The following MACF1 variants were observed in gnomAD, a reference collection of about 807,000 sequenced individuals.
MACF1 encodes microtubule-actin cross-linking factor 1.
Under a neutral mutation model 854.8 loss-of-function variants are expected in MACF1, and 193 were observed. That is an observed-to-expected ratio of 0.23 (90% confidence interval 0.20 to 0.25). The LOEUF is 0.25. Among genes scored for constraint, MACF1 ranks in the 10% least tolerant of loss-of-function variants. The pLI, the probability that MACF1 is intolerant of heterozygous loss-of-function variation, is 1.00. For missense variants in MACF1, 7,722 were observed against 8,929.1 expected (o/e 0.86, Z 5.45); for synonymous variants, 3,185 against 3,226.7 (o/e 0.99, Z 0.44).
chr1:39,105,642 G>A lies in MACF1; in HGVS notation c.220+21204G>A. 3 of 1,235,022 alleles carry A rather than the reference G, an allele frequency of 2.4e-6. No homozygotes were observed. Among genetic ancestry groups the A allele is most frequent in the Non-Finnish European group, 3.1e-6 (3 of 962,046 alleles). 76.5% of individuals were successfully genotyped at this position (1,235,022 alleles called of 1,614,324 possible). ...GGCGGCCATGGCCGGCTACGTGCCG[G>A]GTCAGCAGCCGGCCAACCGCAGCCA... On this transcript the variant is annotated intron_variant, in intron 2 of 93. Coordinates refer to the MACF1 transcript ENST00000361689. The surrounding 1 kb of genome is among the most constrained non-coding windows in gnomAD (Gnocchi z 5.9).
chr1:39,211,265 G>A (rs559153680), intron 1 of MACF1, among the ~76,000 whole-genome samples: 21 of 152,174 alleles, frequency 1.4e-4, no homozygotes, highest in African/African-American at 5.1e-4. Flanking sequence ...ACCACGCCCA[G>A]CCTTGACTTA....
At chr1:39,120,537 G>A (rs1301234637) in intron 2 of MACF1, among the ~76,000 whole-genome samples, 1 of 151,968 alleles carries the variant, frequency 6.6e-6, no homozygotes, top group African/African-American at 2.4e-5. Flanking sequence ...GCTAATTTGT[G>A]TATTTTAGTA....
intron 2 of MACF1, among the ~76,000 whole-genome samples, chr1:39,246,660 G>A (rs1427996229): frequency 1.3e-5 from 2 of 151,052 alleles, no homozygotes; most frequent in African/African-American, 4.9e-5. Context: ...AGGCGCCCAC[G>A]ACCACACCCG....
intron 58 of MACF1, among the ~76,000 whole-genome samples, chr1:39,414,802 C>T (rs1028572187): frequency 2.0e-5 from 3 of 152,152 alleles, no homozygotes; most frequent in African/African-American, 4.8e-5. Flanking sequence ...ATACAGTGAG[C>T]ATGTTCTTGC....
chr1:39,485,625 C>T lies in MACF1; in HGVS notation c.22499C>T (p.Ser7500Phe). Residue 7500 changes from serine to phenylalanine, a missense_variant, in exon 101 of 101, where the codon TCT becomes TTT. Around this residue, in one of 15 missense-constraint regions of MACF1, gnomAD observed 185 missense variants for 225.7 expected, o/e 0.82. Transcript: ENST00000564288. Reference protein sequence around the residue: ...RASSRRGSDASDFDLLETQSA... With the variant: ...RASSRRGSDAFDFDLLETQSA... ...AGCAGCCGGCGAGGAAGTGACGCTT[C>T]TGACTTTGACCTCTTAGAGACGCAG... 6.2e-7 allele frequency: 1 copy of T among 1,614,198 alleles called. No individual in the cohort carries two copies. The highest frequency in any genetic ancestry group is 8.5e-7 in the Non-Finnish European group (1 of 1,180,034).
At chr1:39,269,415 A>G in intron 6 of MACF1, 1 of 1,289,844 alleles carries the variant, frequency 7.8e-7, no homozygotes, top group Non-Finnish European at 1.0e-6. Context: ...TTCCTGGATT[A>G]TAGAATGTTC....
intron 2 of MACF1, among the ~76,000 whole-genome samples, chr1:39,118,953 A>T (rs1424336294): frequency 6.6e-6 from 1 of 152,126 alleles, no homozygotes; most frequent in Non-Finnish European, 1.5e-5. Context: ...GCTTGTGATG[A>T]TATGGAAAGT....
intron 2 of MACF1, among the ~76,000 whole-genome samples, chr1:39,136,577 G>A (rs961084871): frequency 3.3e-5 from 5 of 152,256 alleles, no homozygotes; most frequent in African/African-American, 7.2e-5. Context: ...CGTCACCTCA[G>A]TGCACCCCCC....
intron 1 of MACF1, among the ~76,000 whole-genome samples, chr1:39,214,862 A>G (rs2148281535): frequency 1.3e-5 from 2 of 152,300 alleles, no homozygotes; most frequent in Admixed American, 1.3e-4. Flanking sequence ...ACACCTGAGG[A>G]GCAAGTTGTT....
At chr1:39,281,455 C>T (rs946461818) in intron 6 of MACF1, among the ~76,000 whole-genome samples, 2 of 141,974 alleles carry the variant, frequency 1.4e-5, no homozygotes, top group African/African-American at 5.5e-5. Context: ...ATTTGGTAAT[C>T]ATTGTCCTAT....
intron 2 of MACF1, among the ~76,000 whole-genome samples, chr1:39,242,168 C>T (rs1246495649): frequency 2.0e-5 from 3 of 151,924 alleles, no homozygotes; most frequent in South Asian, 2.1e-4. Flanking sequence ...GCCAACATGG[C>T]GAAACCTTGT....
intron 58 of MACF1, among the ~76,000 whole-genome samples, chr1:39,389,134 C>T (rs895680590): frequency 6.6e-6 from 1 of 151,782 alleles, no homozygotes; most frequent in Non-Finnish European, 1.5e-5. Flanking sequence ...CCTCAGCCTA[C>T]CAAAGTGTTG....
intron 58 of MACF1, among the ~76,000 whole-genome samples, chr1:39,417,712 A>ATTT (rs1643370130): frequency 1.5e-5 from 1 of 68,488 alleles, no homozygotes; most frequent in African/African-American, 4.9e-5. Context: ...ACACCCAGTT[A>ATTT]ATTTTTTTTT....
chr1:39,304,404 CT>C, intron 23 of MACF1: 2 of 1,147,566 alleles, frequency 1.7e-6, no homozygotes, highest in Admixed American at 3.4e-5. Context: ...TTATCTCCAA[CT>C]TTCCTGCTAA....
At chr1:39,089,749 G>T (rs2148119685) in intron 2 of MACF1, among the ~76,000 whole-genome samples, 1 of 152,266 alleles carries the variant, frequency 6.6e-6, no homozygotes, top group African/African-American at 2.4e-5. Context: ...CCTGCCATGT[G>T]CCAGGCACTG....
At chr1:39,330,459 G>A (rs145507226) in intron 36 of MACF1, among the ~76,000 whole-genome samples, 1 of 152,172 alleles carries the variant, frequency 6.6e-6, no homozygotes, top group Non-Finnish European at 1.5e-5. Context: ...AGAGTCTTCT[G>A]TGTGGTTTGC....
At chr1:39,281,683 G>A in intron 6 of MACF1, among the ~76,000 whole-genome samples, 1 of 152,018 alleles carries the variant, frequency 6.6e-6, no homozygotes, top group Non-Finnish European at 1.5e-5. Context: ...TAACTTTTTA[G>A]GTGCTACAAA....
intron 2 of MACF1, among the ~76,000 whole-genome samples, chr1:39,194,818 A>G (rs1296959998): frequency 6.6e-6 from 1 of 151,848 alleles, no homozygotes; most frequent in East Asian, 1.9e-4. Context: ...CAGCCTCCCA[A>G]GTAGCTAGAA....
rs774326766 is a variant in MACF1, at chr1:39,459,208, C to T, written c.21319C>T (p.Arg7107Trp). The change falls in exon 91 of 101, where the codon CGG (arginine) becomes TGG (tryptophan). Residue 7107 changes from arginine (R) to tryptophan (W), a missense_variant. Coordinates refer to ENST00000564288, the MANE Select transcript of MACF1 (RefSeq NM_001394062.1). ...GCAGGTGTGGCTGTTAGCACTGGAGCGGCAAAGGAAACTGAATGATGCCTT... is the reference window on the plus strand; with the variant it reads ...GCAGGTGTGGCTGTTAGCACTGGAGTGGCAAAGGAAACTGAATGATGCCTT... ...WQQVWLLALE[R>W]QRKLNDALDR... 3.2e-5 allele frequency: 52 copies of T among 1,613,658 alleles called. No individual in the cohort carries two copies. Among genetic ancestry groups the T allele is most frequent in the Middle Eastern group, 3.3e-4 (2 of 6,082 alleles).
Sources: allele counts gnomAD v4.1 joint callset (sites outside exome capture counted in the v4.1 genomes callset), GRCh38; gene constraint gnomAD v4.1.1; regional missense constraint gnomAD v4.1.1; non-coding constraint Gnocchi (gnomAD v3.1); transcripts MANE v1.5; gene names NCBI Gene and HGNC (gene_info 2026-07-23, HGNC 2026-07-21).